The following LHPP variants were observed in gnomAD, a reference collection of about 807,000 sequenced individuals.
LHPP encodes the protein phospholysine phosphohistidine inorganic pyrophosphate phosphatase.
A neutral mutation model predicts 30.3 loss-of-function variants in LHPP; 24 were observed. The ratio of observed to expected loss-of-function variants is 0.79; its 90% CI spans 0.57 to 1.11. The LOEUF (loss-of-function observed/expected upper bound fraction) is 1.11. LHPP is among the 50% of genes most tolerant of loss of function. LHPP has a pLI of 0.00. For missense variants in LHPP, 356 were observed against 367.2 expected (o/e 0.97, Z 0.25); for synonymous variants, 150 against 157.1 (o/e 0.95, Z 0.34).
At chr10:124,597,569 C>A (rs1293645741) in intron 6 of LHPP, among the ~76,000 whole-genome samples, 1 of 152,226 alleles carries the variant, frequency 6.6e-6, no homozygotes, top group African/African-American at 2.4e-5. Context: ...CAAGGGCACC[C>A]AGAGCACTGT....
intron 6 of LHPP, among the ~76,000 whole-genome samples, chr10:124,607,045 G>A (rs1473818458): frequency 6.6e-6 from 1 of 152,084 alleles, no homozygotes; most frequent in African/African-American, 2.4e-5. Flanking sequence ...GTGTGTGGCC[G>A]TGTCTCTCTG....
At chr10:124,492,526 C>G (rs976942326) in intron 3 of LHPP, among the ~76,000 whole-genome samples, 1 of 152,270 alleles carries the variant, frequency 6.6e-6, no homozygotes, top group Middle Eastern at 3.4e-3. Flanking sequence ...TCTTGTAAAG[C>G]CTGCAACTGG....
At chr10:124,526,246 T>G (rs1954730934) in intron 6 of LHPP, 1 of 985,126 alleles carries the variant, frequency 1.0e-6, no homozygotes, top group Non-Finnish European at 1.2e-6. Flanking sequence ...CCCCAGGAGC[T>G]GGAAGGGGGA....
At chr10:124,521,361 T>C (rs1044175424) in intron 6 of LHPP, among the ~76,000 whole-genome samples, 2 of 152,176 alleles carry the variant, frequency 1.3e-5, no homozygotes, top group Admixed American at 1.3e-4. Flanking sequence ...CTCTGGCACC[T>C]CAGCACGGCC....
intron 6 of LHPP, among the ~76,000 whole-genome samples, chr10:124,563,357 G>T (rs1297816861): frequency 8.5e-6 from 1 of 117,704 alleles, no homozygotes; most frequent in Non-Finnish European, 1.7e-5. Flanking sequence ...GCAGAAAAAA[G>T]AAACAAATTT....
intron 6 of LHPP, among the ~76,000 whole-genome samples, chr10:124,548,216 C>T (rs911000444): frequency 2.0e-5 from 3 of 148,352 alleles, no homozygotes; most frequent in Non-Finnish European, 4.5e-5. Context: ...GAGCCATTTC[C>T]GTGATGGTAA....
rs962573713 is a variant in LHPP, at chr10:124,517,754, A to T, written c.716+483A>T. ...AGGCATGCCCTGGAGCAGAACCTCC[A>T]TCTCAAGAAGAAGGTTGTGTTTTAT... On this transcript the variant is annotated intron_variant, in intron 6 of 6. Transcript: ENST00000368842. The surrounding 1 kb of genome is among the most constrained non-coding windows in gnomAD (Gnocchi z 4.1). 2.6e-5 allele frequency among the ~76,000 whole-genome samples: 4 copies of T among 152,234 alleles called. No individual in the cohort carries two copies. Among genetic ancestry groups the T allele is most frequent in the Non-Finnish European group, 5.9e-5 (4 of 68,034 alleles).
At position 124,510,051 on chromosome 10, in the gene LHPP, C is replaced by T. The variant is rs534949305; in HGVS notation, c.625-7129C>T. 5.2e-4 allele frequency among the ~76,000 whole-genome samples: 79 copies of T among 152,190 alleles called. No homozygotes were observed. Among genetic ancestry groups the T allele is most frequent in the Non-Finnish European group, 9.6e-4 (65 of 67,994 alleles). On this transcript the variant is annotated intron_variant, in intron 5 of 6. Coordinates refer to ENST00000368842, the MANE Select transcript of LHPP (RefSeq NM_022126.4). This position sits in a 1 kb window ranked among gnomAD's most constrained non-coding sequence, Gnocchi z 4.0. ...AGGACACCTGCCTCTGGGACTGTGG[C>T]GCCTCCATCCGGCTCTCTGGATCCT...
chr10:124,489,402 T>C (rs148123701), intron 3 of LHPP, among the ~76,000 whole-genome samples: 15 of 152,322 alleles, frequency 9.8e-5, no homozygotes, highest in Non-Finnish European at 2.2e-4. Flanking sequence ...TGACTTAGCA[T>C]GCAGCAAATG....
At chr10:124,464,639 C>T (rs1241295227) in intron 1 of LHPP, among the ~76,000 whole-genome samples, 1 of 152,166 alleles carries the variant, frequency 6.6e-6, no homozygotes, top group Non-Finnish European at 1.5e-5. Context: ...CAGATGAGAG[C>T]ATTCTGTGAG....
chr10:124,577,676 A>ACATGCACACATGTGTAAATACACCTG (rs1948682549), intron 6 of LHPP, among the ~76,000 whole-genome samples: 1 of 144,118 alleles, frequency 6.9e-6, no homozygotes, highest in South Asian at 2.3e-4. Flanking sequence ...GTGCACACAT[A>ACATGCACACATGTGTAAATACACCTG]CATGCACACA....
chr10:124,560,855 G>A (rs1948384461), intron 6 of LHPP, among the ~76,000 whole-genome samples: 1 of 148,584 alleles, frequency 6.7e-6, no homozygotes, highest in South Asian at 2.1e-4. Flanking sequence ...GCTGCAAGAG[G>A]AGAAAATCAA....
chr10:124,502,092 C>G (rs1053470228), intron 5 of LHPP, among the ~76,000 whole-genome samples: 1 of 151,958 alleles, frequency 6.6e-6, no homozygotes, highest in Admixed American at 6.5e-5. Flanking sequence ...CAAAAAGTTG[C>G]AAACATAGTA....
chr10:124,583,988 C>T (rs2099558318), intron 6 of LHPP, among the ~76,000 whole-genome samples: 1 of 152,090 alleles, frequency 6.6e-6, no homozygotes, highest in African/African-American at 2.4e-5. Flanking sequence ...ATCATTTTGG[C>T]TATTCTGGGT....
intron 6 of LHPP, among the ~76,000 whole-genome samples, chr10:124,518,853 C>T (rs1490044414): frequency 6.6e-6 from 1 of 152,238 alleles, no homozygotes; most frequent in Non-Finnish European, 1.5e-5. Context: ...TTTTCAGATT[C>T]CGGTTACCTG....
chr10:124,584,611 C>T (rs923797264), intron 6 of LHPP, among the ~76,000 whole-genome samples: 1 of 152,124 alleles, frequency 6.6e-6, no homozygotes, highest in African/African-American at 2.4e-5. Context: ...GCCCTCATGA[C>T]TGAATCACCT....
In LHPP at chr10:124,499,079, C is replaced by A. The variant is rs1251985177; in HGVS notation, c.624+951C>A. Reference sequence around the variant, plus strand: ...ATTTTTAGTAGAGACAGGGTTTCACCATGTTGGCCAGGCTGGTCTCAAATT... The same window carrying A: ...ATTTTTAGTAGAGACAGGGTTTCACAATGTTGGCCAGGCTGGTCTCAAATT... On this transcript the variant is annotated intron_variant, in intron 5 of 6. Transcript: ENST00000368842. 2.7e-5 allele frequency among the ~76,000 whole-genome samples: 4 copies of A among 150,802 alleles called. 1 individual carries two copies. Among genetic ancestry groups the A allele is most frequent in the African/African-American group, 9.9e-5 (4 of 40,288 alleles).
At chr10:124,493,669 G>A (rs1483778028) in intron 3 of LHPP, 1 of 152,166 alleles carries the variant, frequency 6.6e-6, no homozygotes, top group Non-Finnish European at 1.5e-5. Context: ...GAAGAATAAA[G>A]CATAAAATCG....
chr10:124,543,837 CAAAG>C, intron 6 of LHPP, among the ~76,000 whole-genome samples: 1 of 151,916 alleles, frequency 6.6e-6, no homozygotes, highest in Non-Finnish European at 1.5e-5. Flanking sequence ...CAGAAAATCA[CAAAG>C]AAAATAATCC....
Sources: allele counts gnomAD v4.1 joint callset (sites outside exome capture counted in the v4.1 genomes callset), GRCh38; gene constraint gnomAD v4.1.1; non-coding constraint Gnocchi (gnomAD v3.1); transcripts MANE v1.5; gene names NCBI Gene and HGNC (gene_info 2026-07-23, HGNC 2026-07-21).